The following ZNF267 variants were observed in gnomAD, a reference collection of about 807,000 sequenced individuals.
The protein encoded by ZNF267 is zinc finger protein 267.
In ZNF267, 61 loss-of-function variants were observed where a neutral mutation model predicts 71.6. That is an observed-to-expected ratio of 0.85 (90% CI 0.69 to 1.05). The LOEUF (loss-of-function observed/expected upper bound fraction) is 1.05. ZNF267 is among the 50% of genes least tolerant of loss of function. The probability of loss-of-function intolerance (pLI) is 0.00; values close to 1 mark genes in which losing one functional copy is unlikely to be tolerated. For missense variants in ZNF267, 852 were observed against 870.0 expected, an observed-to-expected ratio of 0.98 and a Z score of 0.26; for synonymous variants, 288 against 293.2, an observed-to-expected ratio of 0.98 and a Z score of 0.18.
intron 3 of ZNF267, among the ~76,000 whole-genome samples, chr16:31,905,075 G>A (rs1386427710): frequency 2.0e-5 from 3 of 152,104 alleles, no homozygotes; most frequent in Non-Finnish European, 2.9e-5. Context: ...GAAATTCTGG[G>A]TTGAAAATTC....
Position 31,892,182 on chromosome 16 carries a change from C to T in ZNF267, c.226+6926C>T, listed in dbSNP as rs578243443. Among the ~76,000 whole-genome samples, 13 of 152,022 alleles carry T rather than the reference C, an allele frequency of 8.6e-5. No individual in the cohort carries two copies. The East Asian group carries it at 1.9e-3, about 23-fold the overall frequency. ...GAGGCCTCACAATCACAGTGGAAGG[C>T]GAGGAGGAGCAAGTCACATCTTACA... On this transcript the variant is annotated intron_variant, in intron 3 of 3. Transcript: ENST00000300870.
chr16:31,915,353 TA>T lies in ZNF267; in HGVS notation c.1107del (p.Lys369AsnfsTer396), dbSNP rs2084167021. On this transcript the variant is annotated frameshift_variant, in exon 4 of 4. Coordinates refer to ENST00000300870, the MANE Select transcript of ZNF267 (RefSeq NM_003414.6). LOFTEE classifies it high-confidence loss of function. ...ACCTTAACTGTAGTTTATACCTTAC[TA>T]AACAGCAGCAAATTGATACTGGAGA... ...FNLNCSLYLT[K>X]QQQIDTGENL... 8 of 1,613,604 alleles carry T rather than the reference TA, an allele frequency of 5.0e-6. No individual in the cohort carries two copies. Among genetic ancestry groups the T allele is most frequent in the Non-Finnish European group, 6.8e-6 (8 of 1,179,836 alleles).
At position 31,914,856 on chromosome 16, in the gene ZNF267, C is replaced by G. The variant is rs917463784; in HGVS notation, c.607C>G (p.Leu203Val). Residue 203 changes from leucine to valine, a missense_variant, in exon 4 of 4, where the codon CTA (leucine) becomes GTA (valine). Transcript: ENST00000300870. ...AGTGTTATTTAGGCAGGTCTCTACT[C>G]TAAATAGTTACCGAAATGTTTTTAT... ...TSVLFRQVSTLNSYRNVFIGE... is the reference protein window; with the variant it reads ...TSVLFRQVSTVNSYRNVFIGE... 3 of 1,611,204 alleles carry G rather than the reference C, an allele frequency of 1.9e-6. No individual in the cohort carries two copies. Among genetic ancestry groups the G allele is most frequent in the African/African-American group, 2.7e-5 (2 of 74,676 alleles).
At chr16:31,914,192 C>G (rs1329516600) in intron 3 of ZNF267, 1 of 342,180 alleles carries the variant, frequency 2.9e-6, no homozygotes, top group Non-Finnish European at 5.3e-6. Flanking sequence ...TCACTGTGCT[C>G]TCCGTCTCCC....
At chr16:31,875,115 T>C in intron 1 of ZNF267, 1 of 1,288,642 alleles carries the variant, frequency 7.8e-7, no homozygotes, top group Non-Finnish European at 1.0e-6. Context: ...GGAAAGAATG[T>C]CTTTTGACTT....
At chr16:31,903,798 C>G (rs2084063012) in intron 3 of ZNF267, among the ~76,000 whole-genome samples, 1 of 152,140 alleles carries the variant, frequency 6.6e-6, no homozygotes, top group Non-Finnish European at 1.5e-5. Flanking sequence ...CAGTTCTGCT[C>G]TGATCTTAGT....
At chr16:31,893,450 A>G (rs2083975143) in intron 3 of ZNF267, among the ~76,000 whole-genome samples, 5 of 152,214 alleles carry the variant, frequency 3.3e-5, no homozygotes, top group Admixed American at 3.3e-4. Flanking sequence ...TTATGGAAAT[A>G]TCTGCAGCTG....
chr16:31,882,328 A>G (rs2083896199), intron 1 of ZNF267, among the ~76,000 whole-genome samples: 1 of 152,214 alleles, frequency 6.6e-6, no homozygotes, highest in Admixed American at 6.5e-5. Flanking sequence ...CTTTCAGGAC[A>G]GTGGTTGGTG....
chr16:31,898,334 G>A (rs539959128), intron 3 of ZNF267, among the ~76,000 whole-genome samples: 2 of 152,116 alleles, frequency 1.3e-5, no homozygotes, highest in Admixed American at 1.3e-4. Context: ...GCCCATGTGT[G>A]TTTTTGTATC....
At chr16:31,900,245 T>A (rs1009125391) in intron 3 of ZNF267, among the ~76,000 whole-genome samples, 1 of 152,144 alleles carries the variant, frequency 6.6e-6, no homozygotes. Flanking sequence ...GTATTCTATA[T>A]ACTATTATTA....
At chr16:31,879,989 G>A (rs1185844159) in intron 1 of ZNF267, among the ~76,000 whole-genome samples, 1 of 152,174 alleles carries the variant, frequency 6.6e-6, no homozygotes, top group Admixed American at 6.5e-5. Flanking sequence ...CAGGATGTGT[G>A]AGAGCAGCCT....
intron 3 of ZNF267, among the ~76,000 whole-genome samples, chr16:31,888,257 T>G (rs2142337780): frequency 6.6e-6 from 1 of 152,212 alleles, no homozygotes; most frequent in African/African-American, 2.4e-5. Context: ...TATTTTTTGT[T>G]TGTTTGGTAT....
chr16:31,915,227 A>G lies in ZNF267; in HGVS notation c.978A>G (p.Lys326=), dbSNP rs759406481. ...HNEEKPYKCE[K]CGDSLNHSLH... ...AAGAGAAACCATACAAATGTGAAAA[A>G]TGTGGGGATAGCTTAAACCATAGTT... is the stretch of plus-strand genomic sequence containing the variant. Residue 326 remains lysine (K), a synonymous_variant, in exon 4 of 4, where the codon AAA becomes AAG. Transcript: ENST00000300870. 145 of 1,613,804 alleles carry G rather than the reference A, an allele frequency of 9.0e-5. No individual in the cohort carries two copies. Among genetic ancestry groups the G allele is most frequent in the Non-Finnish European group, 1.2e-4 (139 of 1,179,940 alleles).
chr16:31,915,105 C>T lies in ZNF267; in HGVS notation c.856C>T (p.Gln286Ter). ...CCAGTCATTAAAACATATTCAACAT[C>T]AGACCATCCATATCAGAGAAAACTC... ...CTQSLKHIQH[Q>*]TIHIRENSYS... Residue 286 changes from glutamine (Q) to a stop codon, truncating the protein, a stop_gained, in exon 4 of 4, where the codon CAG becomes TAG. Transcript: ENST00000300870. LOFTEE classifies it high-confidence loss of function. The T allele has an allele frequency of 6.2e-7, 1 of 1,613,588 alleles. No homozygotes were observed. The highest frequency in any genetic ancestry group is 8.5e-7 in the Non-Finnish European group (1 of 1,179,856).
chr16:31,906,179 TGTCA>T (rs1414247730), intron 3 of ZNF267, among the ~76,000 whole-genome samples: 1 of 152,128 alleles, frequency 6.6e-6, no homozygotes, highest in East Asian at 1.9e-4. Context: ...CCGTGTGAGG[TGTCA>T]GTCAGCTCCT....
chr16:31,887,413 T>A (rs890996606), intron 3 of ZNF267, among the ~76,000 whole-genome samples: 2 of 152,176 alleles, frequency 1.3e-5, no homozygotes, highest in Non-Finnish European at 2.9e-5. Context: ...TTGTTTTTAT[T>A]TTTTGCTTTT....
At position 31,878,458 on chromosome 16, in the gene ZNF267, C is replaced by T. The variant is rs142770990; in HGVS notation, c.3+4489C>T. The stretch of plus-strand genomic sequence containing the variant: ...GAGAAGGCTTGACTGTCAGGAATTG[C>T]ACCCACAGCACCTTTGCTTCCGGTT... On this transcript the variant is annotated intron_variant, in intron 1 of 3. Transcript: ENST00000300870. Among the ~76,000 whole-genome samples the T allele has an allele frequency of 2.9e-4, 44 of 152,292 alleles. No individual in the cohort carries two copies. The East Asian group carries it at 8.1e-3, about 28-fold the overall frequency.
chr16:31,881,134 G>A (rs1050814340), intron 1 of ZNF267, among the ~76,000 whole-genome samples: 1 of 151,948 alleles, frequency 6.6e-6, no homozygotes, highest in African/African-American at 2.4e-5. Flanking sequence ...TATAATTTTC[G>A]TAGAAAGCCC....
chr16:31,875,016 A>G (rs1270496567), intron 1 of ZNF267: 2 of 758,962 alleles, frequency 2.6e-6, no homozygotes, highest in Non-Finnish European at 3.9e-6. Context: ...CGTGAGAGGA[A>G]AGCAGAGAAT....
Sources: allele counts gnomAD v4.1 joint callset (sites outside exome capture counted in the v4.1 genomes callset), GRCh38; gene constraint gnomAD v4.1.1; transcripts MANE v1.5; gene names NCBI Gene and HGNC (gene_info 2026-07-23, HGNC 2026-07-21).